Variants in SGK3 observed in about 807,000 individuals in gnomAD.
The protein encoded by SGK3 is serine/threonine-protein kinase Sgk3.
In SGK3, 47 loss-of-function variants were observed where a neutral mutation model predicts 68.5. The observed-to-expected ratio is 0.69, with a 90% CI of 0.54 to 0.87. SGK3 has a LOEUF of 0.87. Ranked by LOEUF, SGK3 falls within the 40% of genes least tolerant of loss-of-function variation. The pLI, the probability that SGK3 is intolerant of heterozygous loss-of-function variation, is 0.00. For missense variants in SGK3, 479 were observed against 575.5 expected (o/e 0.83, Z 1.72); for synonymous variants, 181 against 189.1 (o/e 0.96, Z 0.35).
At chr8:66,859,335 A>G (rs1216913420) in intron 16 of SGK3, 76 bp from the exon 17 acceptor site, 4 of 1,347,744 alleles carry the variant, frequency 3.0e-6, no homozygotes, top group Non-Finnish European at 3.9e-6. Context: ...CTCTGTCTCA[A>G]ATAAATAAAT....
intron 5 of SGK3, among the ~76,000 whole-genome samples, chr8:66,814,960 A>T (rs1808520707): frequency 6.6e-6 from 1 of 152,224 alleles, no homozygotes; most frequent in Non-Finnish European, 1.5e-5. Context: ...TGAAGAGGAT[A>T]AAATATTTGG....
chr8:66,860,812 T>C lies in SGK3; in HGVS notation c.*1231T>C, dbSNP rs917241691. On this transcript the variant is annotated 3_prime_UTR_variant, in exon 17 of 17. Transcript: ENST00000521198. ...ATAAAAAATTGAGCTTTCTAGAATA[T>C]TTGCCTAATTGGGAATTAAAAAGTA... 1 of 152,194 alleles carries C rather than the reference T, an allele frequency of 6.6e-6. No individual in the cohort carries two copies. The highest frequency in any genetic ancestry group is 1.9e-4 in the East Asian group (1 of 5,200). The allele number at this position is 152,194 out of a possible 1,614,324, so 9.4% of individuals were successfully genotyped here.
At chr8:66,790,501 A>G (rs912238556) in intron 1 of SGK3, among the ~76,000 whole-genome samples, 9 of 152,218 alleles carry the variant, frequency 5.9e-5, no homozygotes, top group African/African-American at 2.2e-4. Context: ...TGTCCTTTCC[A>G]GCCAGTGCCG....
At chr8:66,825,000 A>G (rs1381579283) in intron 6 of SGK3, among the ~76,000 whole-genome samples, 3 of 152,182 alleles carry the variant, frequency 2.0e-5, no homozygotes, top group Non-Finnish European at 4.4e-5. Context: ...ATTTCAAGTA[A>G]TGTTTTTAAA....
chr8:66,822,488 G>GA (rs766231182), intron 6 of SGK3, 29 bp downstream of exon 6: 198 of 1,592,432 alleles, frequency 1.2e-4, no homozygotes, highest in Non-Finnish European at 1.6e-4. Context: ...TTTCTTAATA[G>GA]AAAAAATACT....
At chr8:66,828,056 G>A (rs949601516) in intron 6 of SGK3, among the ~76,000 whole-genome samples, 12 of 151,796 alleles carry the variant, frequency 7.9e-5, no homozygotes, top group African/African-American at 2.9e-4. Flanking sequence ...GCGGGGAGGC[G>A]GAGCTTGCAG....
chr8:66,751,829 G>A (rs1414171670), intron 1 of SGK3, among the ~76,000 whole-genome samples: 4 of 151,798 alleles, frequency 2.6e-5, no homozygotes, highest in Non-Finnish European at 5.9e-5. Flanking sequence ...GCAGTGGCGC[G>A]ATCTCGGCTC....
intron 1 of SGK3, among the ~76,000 whole-genome samples, chr8:66,749,057 C>A (rs77491870): frequency 6.6e-6 from 1 of 151,854 alleles, no homozygotes; most frequent in South Asian, 2.1e-4. Context: ...TCACCACGCC[C>A]GGCTAAATCT....
chr8:66,729,806 G>A (rs759043046), intron 1 of SGK3, among the ~76,000 whole-genome samples: 24 of 151,656 alleles, frequency 1.6e-4, no homozygotes, highest in Admixed American at 7.9e-4. Flanking sequence ...GTACAGTGGC[G>A]CGATCTTGGC....
chr8:66,840,375 A>G, intron 12 of SGK3, 128 bp downstream of exon 12: 1 of 951,804 alleles, frequency 1.1e-6, no homozygotes, highest in Non-Finnish European at 1.5e-6. Flanking sequence ...AAAATGACAA[A>G]ACGGTAGGGA....
intron 1 of SGK3, among the ~76,000 whole-genome samples, chr8:66,728,958 G>A (rs1228164008): frequency 6.6e-6 from 1 of 151,800 alleles, no homozygotes; most frequent in Admixed American, 6.6e-5. Flanking sequence ...GGTGGCTCAT[G>A]CCTGTAATCC....
intron 6 of SGK3, among the ~76,000 whole-genome samples, chr8:66,824,471 G>A (rs1808973906): frequency 6.6e-6 from 1 of 151,804 alleles, no homozygotes. Context: ...AAAAAAAAAT[G>A]TACAGTAAAA....
chr8:66,720,162 A>G (rs1804755811), intron 1 of SGK3, among the ~76,000 whole-genome samples: 1 of 152,234 alleles, frequency 6.6e-6, no homozygotes, highest in Admixed American at 6.5e-5. Context: ...ATTAACATAA[A>G]GCGCATGTTC....
chr8:66,751,742 T>TTTTATTTATTTATTTA (rs61222034), intron 1 of SGK3, among the ~76,000 whole-genome samples: 24 of 147,866 alleles, frequency 1.6e-4, no homozygotes, highest in African/African-American at 5.5e-4. Flanking sequence ...AAATCATTCA[T>TTTTATTTATTTATTTA]TTTATTTATT....
intron 2 of SGK3, among the ~76,000 whole-genome samples, chr8:66,797,977 C>T (rs934314168): frequency 6.6e-6 from 1 of 151,528 alleles, no homozygotes; most frequent in African/African-American, 2.4e-5. Context: ...CTATTTTTTT[C>T]TGACCTCATT....
At chr8:66,758,267 T>C (rs183921351) in intron 1 of SGK3, among the ~76,000 whole-genome samples, 20 of 151,864 alleles carry the variant, frequency 1.3e-4, no homozygotes, top group Admixed American at 3.3e-4. Context: ...GACATGAGAA[T>C]AGCTTGAACC....
rs138198290 is a variant in SGK3, at chr8:66,859,642, A to G, written c.*61A>G. 1,110 of 1,489,392 alleles carry G rather than the reference A, an allele frequency of 7.5e-4. 10 individuals carry two copies. The African/African-American group carries it at 0.014, about 19-fold the overall frequency. 92.3% of individuals were successfully genotyped at this position (1,489,392 alleles called of 1,614,324 possible). On this transcript the variant is annotated 3_prime_UTR_variant, in exon 17 of 17. Transcript: ENST00000521198. ...GTCTATAGATGGGACTGAAACTTCT[A>G]TTTGTGTGAATATATTCAAATATGT...
rs1001911984 is a variant in SGK3, at chr8:66,860,715, G to A, written c.*1134G>A. 1.8e-4 allele frequency: 28 copies of A among 152,078 alleles called. No individual in the cohort carries two copies. Among genetic ancestry groups the A allele is most frequent in the African/African-American group, 6.0e-4 (25 of 41,398 alleles). 9.4% of individuals were successfully genotyped at this position (152,078 alleles called of 1,614,324 possible). A position where few individuals can be genotyped will look rare whatever the true frequency, so the allele number is the denominator to read the frequency against. ...TTTTGAATGTTTAGTATGCTATTAA[G>A]TCATTCTGAATCTTTGTATTTGCTT... is the stretch of plus-strand genomic sequence containing the variant. On this transcript the variant is annotated 3_prime_UTR_variant, in exon 17 of 17. Coordinates refer to ENST00000521198, the MANE Select transcript of SGK3 (RefSeq NM_001033578.3).
chr8:66,853,942 G>T lies in SGK3; in HGVS notation c.1320+3022G>T, dbSNP rs112736289. Among the ~76,000 whole-genome samples the T allele has an allele frequency of 9.2e-3, 1,394 of 151,984 alleles. 25 individuals carry two copies. The highest frequency in any genetic ancestry group is 0.032 in the African/African-American group (1,331 of 41,444). On this transcript the variant is annotated intron_variant, in intron 16 of 16. Transcript: ENST00000521198. Reference sequence around the variant, plus strand: ...AAAAGATTTCTCATTATACCATTTCGGAACAACCAACACAAAACAAGTGCC... The same window carrying T: ...AAAAGATTTCTCATTATACCATTTCTGAACAACCAACACAAAACAAGTGCC...
Sources: allele counts gnomAD v4.1 joint callset (sites outside exome capture counted in the v4.1 genomes callset), GRCh38; gene constraint gnomAD v4.1.1; transcripts MANE v1.5; gene names NCBI Gene and HGNC (gene_info 2026-07-23, HGNC 2026-07-21).